Variants in ITGA9 observed in about 807,000 individuals in gnomAD.
ITGA9 encodes the protein integrin alpha-9.
Under a neutral mutation model 127.8 loss-of-function variants are expected in ITGA9, and 56 were observed. That is an observed-to-expected ratio of 0.44 (90% CI 0.35 to 0.55). ITGA9 has a LOEUF of 0.55. Ranked by LOEUF, ITGA9 falls within the 20% of genes least tolerant of loss-of-function variation. The pLI is 0.00. For synonymous variants in ITGA9, 508 were observed against 514.5 expected (o/e 0.99, Z 0.17); for missense variants, 1,196 against 1,347.1 (o/e 0.89, Z 1.76).
chr3:37,675,159 C>T (rs980602502), intron 17 of ITGA9, among the ~76,000 whole-genome samples: 2 of 152,178 alleles, frequency 1.3e-5, no homozygotes, highest in Admixed American at 1.3e-4. Context: ...AAGTATCTTG[C>T]CAGAGGTACT....
At chr3:37,734,458 T>C (rs969434603) in intron 19 of ITGA9, among the ~76,000 whole-genome samples, 1 of 152,186 alleles carries the variant, frequency 6.6e-6, no homozygotes, top group Non-Finnish European at 1.5e-5. Context: ...CTAAGATGTG[T>C]CTTTCTCTCT....
intron 16 of ITGA9, among the ~76,000 whole-genome samples, chr3:37,643,387 G>A (rs1261473745): frequency 6.6e-6 from 1 of 152,204 alleles, no homozygotes; most frequent in African/African-American, 2.4e-5. Flanking sequence ...GTCTGTCTCA[G>A]GCTTCTTCTC....
intron 16 of ITGA9, among the ~76,000 whole-genome samples, chr3:37,646,356 G>T (rs560061420): frequency 6.6e-6 from 1 of 152,230 alleles, no homozygotes; most frequent in Non-Finnish European, 1.5e-5. Context: ...TCTAAAAGAA[G>T]TAGAGTAAGG....
intron 1 of ITGA9, among the ~76,000 whole-genome samples, chr3:37,462,074 C>T (rs890974733): frequency 7.2e-5 from 11 of 152,360 alleles, no homozygotes; most frequent in African/African-American, 2.4e-4. Context: ...CTGTAATTTG[C>T]TCTATCCCTT....
chr3:37,719,590 C>T (rs1237374708), intron 18 of ITGA9, among the ~76,000 whole-genome samples: 1 of 152,104 alleles, frequency 6.6e-6, no homozygotes, highest in African/African-American at 2.4e-5. Flanking sequence ...GACAGTTCGC[C>T]ATAGGCGAAC....
chr3:37,496,615 T>A (rs1363923763), intron 5 of ITGA9, among the ~76,000 whole-genome samples: 2 of 152,296 alleles, frequency 1.3e-5, no homozygotes, highest in Admixed American at 6.5e-5. Context: ...CAGAACCACC[T>A]TTTACAAACA....
chr3:37,737,130 G>T (rs561490127), intron 20 of ITGA9, 147 bp downstream of exon 20: 2 of 694,280 alleles, frequency 2.9e-6, no homozygotes, highest in East Asian at 2.7e-5. Flanking sequence ...CCGCAAAGTG[G>T]AATTGGATTT....
chr3:37,556,663 C>T (rs1404591955), intron 15 of ITGA9, among the ~76,000 whole-genome samples: 2 of 152,340 alleles, frequency 1.3e-5, no homozygotes, highest in Non-Finnish European at 2.9e-5. Context: ...CCTGGTGACG[C>T]TGGTGCTGCT....
intron 25 of ITGA9, among the ~76,000 whole-genome samples, chr3:37,783,822 T>C (rs1697007021): frequency 6.6e-6 from 1 of 152,190 alleles, no homozygotes; most frequent in Admixed American, 6.5e-5. Flanking sequence ...AAATGTGTCT[T>C]ATGGTTGTTT....
chr3:37,662,957 A>G (rs1331736045), intron 17 of ITGA9, among the ~76,000 whole-genome samples: 3 of 152,208 alleles, frequency 2.0e-5, no homozygotes, highest in African/African-American at 7.2e-5. Flanking sequence ...AGATCAAGCC[A>G]TAGGAAATGC....
chr3:37,789,450 G>T (rs1164999987), intron 26 of ITGA9, among the ~76,000 whole-genome samples: 1 of 152,080 alleles, frequency 6.6e-6, no homozygotes, highest in Non-Finnish European at 1.5e-5. Context: ...AAGTCAGGGA[G>T]CTCAATATAT....
intron 15 of ITGA9, among the ~76,000 whole-genome samples, chr3:37,599,772 T>C (rs1443076553): frequency 4.6e-5 from 7 of 152,262 alleles, no homozygotes; most frequent in Non-Finnish European, 8.8e-5. Flanking sequence ...AATGCACATG[T>C]ACCTAATGCA....
At chr3:37,580,641 T>C (rs1241751717) in intron 15 of ITGA9, among the ~76,000 whole-genome samples, 1 of 152,242 alleles carries the variant, frequency 6.6e-6, no homozygotes, top group Non-Finnish European at 1.5e-5. Flanking sequence ...TTCCTCATTT[T>C]CTCTTCTCCT....
intron 15 of ITGA9, among the ~76,000 whole-genome samples, chr3:37,587,148 T>C (rs1261064336): frequency 6.6e-6 from 1 of 152,224 alleles, no homozygotes; most frequent in Non-Finnish European, 1.5e-5. Flanking sequence ...TAGCATCTAG[T>C]AACATTCAAG....
intron 18 of ITGA9, among the ~76,000 whole-genome samples, chr3:37,721,893 G>A (rs919227949): frequency 2.6e-5 from 4 of 152,070 alleles, no homozygotes; most frequent in Admixed American, 2.0e-4. Context: ...CCCACCCCAG[G>A]CCCCGTCTGA....
intron 4 of ITGA9, among the ~76,000 whole-genome samples, chr3:37,489,941 C>T (rs1402440128): frequency 6.6e-6 from 1 of 152,184 alleles, no homozygotes; most frequent in Non-Finnish European, 1.5e-5. Context: ...GGCAGGGGTT[C>T]TTATTCCTGT....
chr3:37,644,839 A>T (rs17036744), intron 16 of ITGA9, among the ~76,000 whole-genome samples: 11,399 of 152,200 alleles, frequency 0.075, 945 homozygotes, highest in African/African-American at 0.2. Context: ...AATTTCATGA[A>T]CGATTTGCCT....
intron 20 of ITGA9, among the ~76,000 whole-genome samples, chr3:37,738,949 T>C (rs1696399588): frequency 6.6e-6 from 1 of 152,192 alleles, no homozygotes; most frequent in Admixed American, 6.5e-5. Context: ...TAGAATCGCC[T>C]GGGGAGCTTT....
At chr3:37,590,163 G>T (rs370095963) in intron 15 of ITGA9, among the ~76,000 whole-genome samples, 1 of 152,158 alleles carries the variant, frequency 6.6e-6, no homozygotes, top group East Asian at 1.9e-4. Flanking sequence ...CAGGCAGCCT[G>T]GGGGTGCTTG....
Sources: allele counts gnomAD v4.1 joint callset (sites outside exome capture counted in the v4.1 genomes callset), GRCh38; gene constraint gnomAD v4.1.1; transcripts MANE v1.5; gene names NCBI Gene and HGNC (gene_info 2026-07-23, HGNC 2026-07-21).